Variants in GPR146 observed in about 807,000 individuals in gnomAD.
GPR146 encodes the protein G protein-coupled receptor 146.
For synonymous variants in GPR146, 203 were observed against 104.3 expected, an observed-to-expected ratio of 1.95 and a Z score of -5.77; for missense variants, 381 against 213.9, an observed-to-expected ratio of 1.78 and a Z score of -4.87.
chr7:1,057,220 G>A (rs1783900219), intron 1 of GPR146, among the ~76,000 whole-genome samples: 1 of 152,126 alleles, frequency 6.6e-6, no homozygotes, highest in South Asian at 2.1e-4. Context: ...GTGAAGAGTG[G>A]GCTCTGAGAA....
intron 1 of GPR146, among the ~76,000 whole-genome samples, chr7:1,048,275 C>T (rs1782769848): frequency 6.6e-6 from 1 of 152,074 alleles, no homozygotes; most frequent in Non-Finnish European, 1.5e-5. Flanking sequence ...CTGACAGGGC[C>T]CTAAGCAACA....
rs61448754 is a variant in GPR146, at chr7:1,052,717, C to T, written c.-24-4775C>T. 6.2e-3 allele frequency among the ~76,000 whole-genome samples: 942 copies of T among 152,134 alleles called. 65 individuals are homozygous for T. In the East Asian group the frequency reaches 0.15, roughly 25 times the overall value. ...GTGGCGGGCCCCGGAAGCTGAATAT[C>T]ACCCCCGCCACCGGGCAGGCAGTGC... On this transcript the variant is annotated intron_variant, in intron 1 of 1. Transcript: ENST00000444847. This position sits in a 1 kb window ranked among gnomAD's most constrained non-coding sequence, Gnocchi z 4.2.
At position 1,044,677 on chromosome 7, in the gene GPR146, C is replaced by G. The variant is rs957316387; in HGVS notation, c.-25+19C>G. 7.2e-5 allele frequency: 11 copies of G among 152,084 alleles called. No individual in the cohort carries two copies. Among genetic ancestry groups the G allele is most frequent in the African/African-American group, 2.7e-4 (11 of 41,442 alleles). 9.4% of individuals were successfully genotyped at this position (152,084 alleles called of 1,614,324 possible). On this transcript the variant is annotated intron_variant, in intron 1 of 1. Coordinates refer to ENST00000444847, the MANE Select transcript of GPR146 (RefSeq NM_001303473.2). The stretch of plus-strand genomic sequence containing the variant: ...CAAGCCGGTGAGTGGGGCCCGGGAG[C>G]CTGGGTCGGGTCGGTGGGGCACACC...
chr7:1,053,338 A>T (rs2128199207), intron 1 of GPR146, among the ~76,000 whole-genome samples: 2 of 152,356 alleles, frequency 1.3e-5, no homozygotes, highest in Middle Eastern at 6.8e-3. Context: ...AGTAGAGCCC[A>T]GAACCTTGCG....
chr7:1,058,370 C>T lies in GPR146; in HGVS notation c.855C>T (p.Ala285=). 2.6e-6 allele frequency: 2 copies of T among 780,356 alleles called. No homozygotes were observed. Among genetic ancestry groups the T allele is most frequent in the East Asian group, 4.8e-5 (2 of 41,256 alleles). The allele number at this position is 780,356 out of a possible 1,614,324, so 48.3% of individuals were successfully genotyped here. Residue 285 remains alanine (A), a synonymous_variant, in exon 2 of 2, where the codon GCC becomes GCT. Transcript: ENST00000444847. ...HFVKDFSKLL[A]FSSSFVTPLL... ...TGAAGGATTTCTCCAAACTCCTGGC[C>T]TTCTCCAGCAGCTTTGTGACACCAC...
chr7:1,054,786 G>A (rs1583587778), intron 1 of GPR146, among the ~76,000 whole-genome samples: 1 of 152,226 alleles, frequency 6.6e-6, no homozygotes, highest in East Asian at 1.9e-4. Flanking sequence ...CCATGCCCAT[G>A]TCCCTTCTGT....
In GPR146 at chr7:1,052,817, A is replaced by G. The variant is rs1783263195; in HGVS notation, c.-24-4675A>G. On this transcript the variant is annotated intron_variant, in intron 1 of 1. Coordinates refer to ENST00000444847, the MANE Select transcript of GPR146 (RefSeq NM_001303473.2). The surrounding 1 kb of genome is among the most constrained non-coding windows in gnomAD (Gnocchi z 4.2). ...GCCTGGCCCAAGAGGGACCTGCAGC[A>G]TGGGGTTGGGGGGCAGGCGGCCCTT... 6.6e-6 allele frequency among the ~76,000 whole-genome samples: 1 copy of G among 151,824 alleles called. No individual in the cohort carries two copies. Among genetic ancestry groups the G allele is most frequent in the South Asian group, 2.1e-4 (1 of 4,798 alleles).
chr7:1,046,992 G>A (rs1293447682), intron 1 of GPR146, among the ~76,000 whole-genome samples: 1 of 152,236 alleles, frequency 6.6e-6, no homozygotes, highest in East Asian at 1.9e-4. Context: ...TGCCAAGCCT[G>A]CCCAGAGTCT....
At chr7:1,046,002 T>C (rs1257744546) in intron 1 of GPR146, among the ~76,000 whole-genome samples, 1 of 152,196 alleles carries the variant, frequency 6.6e-6, no homozygotes, top group Non-Finnish European at 1.5e-5. Context: ...TAAGCCCCAG[T>C]AGGCTGATGA....
chr7:1,049,800 C>T (rs1782922415), intron 1 of GPR146, among the ~76,000 whole-genome samples: 1 of 152,184 alleles, frequency 6.6e-6, no homozygotes, highest in Non-Finnish European at 1.5e-5. Context: ...TGTTTTCGGT[C>T]AAATTTTGGG....
Position 1,058,616 on chromosome 7 carries a change from G to A in GPR146, c.*99G>A. 1.6e-6 allele frequency: 1 copy of A among 630,380 alleles called. No individual in the cohort carries two copies. The highest frequency in any genetic ancestry group is 2.9e-6 in the Non-Finnish European group (1 of 344,262). The allele number at this position is 630,380 out of a possible 1,614,324, so 39.0% of individuals were successfully genotyped here. ...TCCTTCCAGAAGGAGACGAGCTGCT[G>A]GAAGAGAAGCAGGAGGGGTGTTTTT... On this transcript the variant is annotated 3_prime_UTR_variant, in exon 2 of 2. Transcript: ENST00000444847.
At chr7:1,053,332 G>A in intron 1 of GPR146, among the ~76,000 whole-genome samples, 1 of 152,372 alleles carries the variant, frequency 6.6e-6, no homozygotes, top group African/African-American at 2.4e-5. Context: ...GTCCACAGTA[G>A]AGCCCAGAAC....
intron 1 of GPR146, 36 bp from the exon 2 acceptor site, chr7:1,057,456 G>T: frequency 2.9e-6 from 2 of 687,854 alleles, no homozygotes; most frequent in Non-Finnish European, 2.7e-6. Context: ...CTTTGGGACG[G>T]GACGCGAGCT....
chr7:1,055,375 AGC>A (rs754401839), intron 1 of GPR146: 122 of 470,732 alleles, frequency 2.6e-4, no homozygotes, highest in African/African-American at 2.4e-3. Context: ...GAAGCGCAGC[AGC>A]GCGCAGGTCC....
chr7:1,053,737 G>T (rs1413925625), intron 1 of GPR146, among the ~76,000 whole-genome samples: 1 of 152,228 alleles, frequency 6.6e-6, no homozygotes, highest in South Asian at 2.1e-4. Context: ...TGAGGCAGGA[G>T]AATCGCTTGA....
chr7:1,055,167 G>A (rs1409086078), intron 1 of GPR146: 15 of 459,358 alleles, frequency 3.3e-5, no homozygotes, highest in East Asian at 7.0e-5. Context: ...TTTGCAGTGC[G>A]GTCCCGTCCA....
chr7:1,056,472 ACCCG>A (rs1191450377), intron 1 of GPR146: 1 of 151,514 alleles, frequency 6.6e-6, no homozygotes, highest in Non-Finnish European at 1.5e-5. Flanking sequence ...ACATCTACCC[ACCCG>A]CCCATCTGCC....
chr7:1,050,034 C>T (rs529376185), intron 1 of GPR146, among the ~76,000 whole-genome samples: 2 of 152,352 alleles, frequency 1.3e-5, no homozygotes, highest in East Asian at 1.9e-4. Context: ...GTCTCTCTGG[C>T]GGGCTAGGCC....
chr7:1,047,661 T>C (rs1782704124), intron 1 of GPR146, among the ~76,000 whole-genome samples: 1 of 152,280 alleles, frequency 6.6e-6, no homozygotes, highest in South Asian at 2.1e-4. Context: ...TCATGGTGCA[T>C]GGCAGGTTCG....
Sources: gnomAD v4.1 joint callset for allele counts (sites outside exome capture counted in the v4.1 genomes callset) on GRCh38, gnomAD v4.1.1 for gene constraint, Gnocchi (gnomAD v3.1) non-coding constraint, MANE v1.5 for transcripts, NCBI Gene and HGNC (gene_info 2026-07-23, HGNC 2026-07-21) for gene names.